Variants in FBXL20 observed in about 807,000 individuals in gnomAD.
FBXL20 encodes F-box/LRR-repeat protein 20.
FBXL20 carries 11 observed loss-of-function variants against 64.0 expected under a neutral mutation model. That is an observed-to-expected ratio of 0.17 (90% CI 0.11 to 0.28). FBXL20 has a LOEUF of 0.28. Among genes scored for constraint, FBXL20 ranks in the 10% least tolerant of loss-of-function variants. The probability of loss-of-function intolerance (pLI) is 1.00; values close to 1 mark genes in which losing one functional copy is unlikely to be tolerated. For synonymous variants in FBXL20, 184 were observed against 189.0 expected (o/e 0.97, Z 0.22); for missense variants, 303 against 526.2 (o/e 0.58, Z 4.15).
At chr17:39,354,274 T>C (rs764938207) in intron 1 of FBXL20, among the ~76,000 whole-genome samples, 2 of 152,336 alleles carry the variant, frequency 1.3e-5, no homozygotes, top group Non-Finnish European at 2.9e-5. Flanking sequence ...GACCATTTGC[T>C]TCTCCTCAAA....
chr17:39,302,574 T>C (rs2047146966), intron 3 of FBXL20, among the ~76,000 whole-genome samples: 1 of 152,092 alleles, frequency 6.6e-6, no homozygotes, highest in South Asian at 2.1e-4. Context: ...GGGGTTTCAC[T>C]GTGTTAGCCA....
rs1244351364 is a variant in FBXL20, at chr17:39,259,012, CAAT to C, written c.*2445_*2447del. ...AGTAATCTGCGTTTTTAAAGCGGCA[CAAT>C]AAAACAGGATTTAAAATAAATTTAA... On this transcript the variant is annotated 3_prime_UTR_variant, in exon 15 of 15. Coordinates refer to ENST00000264658, the MANE Select transcript of FBXL20 (RefSeq NM_032875.3). 2.0e-5 allele frequency: 3 copies of C among 152,076 alleles called. No homozygotes were observed. The East Asian group carries it at 5.8e-4, about 29-fold the overall frequency. The allele number at this position is 152,076 out of a possible 1,614,324, so 9.4% of individuals were successfully genotyped here.
At position 39,275,069 on chromosome 17, in the gene FBXL20, C is replaced by T. The variant is rs776301305; in HGVS notation, c.728G>A (p.Cys243Tyr). 1 of 1,613,394 alleles carries T rather than the reference C, an allele frequency of 6.2e-7. No homozygotes were observed. The highest frequency in any genetic ancestry group is 8.5e-7 in the Non-Finnish European group (1 of 1,179,860). Reference protein sequence around the residue: ...QITDEGLITICRGCHKLQSLC... With the variant: ...QITDEGLITIYRGCHKLQSLC... ...GGATTGTAACTTATGGCACCCTCTG[C>T]ATATAGTAATGAGACCTTCATCTGT... The change falls in exon 10 of 15, where the codon TGC (cysteine) becomes TAC (tyrosine). Residue 243 changes from cysteine to tyrosine, a missense_variant. By Grantham distance (194) the Cys-to-Tyr change is radical (BLOSUM62 -2). This residue lies in a region of FBXL20 where 246 missense variants were observed against 422.6 expected (regional missense o/e 0.58). Coordinates refer to ENST00000264658, the MANE Select transcript of FBXL20 (RefSeq NM_032875.3).
At chr17:39,353,373 A>C (rs1363511223) in intron 1 of FBXL20, among the ~76,000 whole-genome samples, 1 of 152,154 alleles carries the variant, frequency 6.6e-6, no homozygotes, top group Non-Finnish European at 1.5e-5. Context: ...GGTTAGTAAA[A>C]GAGACATTCA....
intron 1 of FBXL20, among the ~76,000 whole-genome samples, chr17:39,392,466 C>G (rs1013390482): frequency 1.4e-5 from 2 of 145,572 alleles, no homozygotes; most frequent in African/African-American, 5.0e-5. Context: ...GAAAAGAAAA[C>G]AAAAAACAAA....
At chr17:39,396,175 G>A (rs2048181148) in intron 1 of FBXL20, among the ~76,000 whole-genome samples, 1 of 151,992 alleles carries the variant, frequency 6.6e-6, no homozygotes. Flanking sequence ...AATGGCCAGG[G>A]AAATATGATC....
chr17:39,330,847 C>A (rs1292815789), intron 2 of FBXL20, among the ~76,000 whole-genome samples: 2 of 152,096 alleles, frequency 1.3e-5, no homozygotes, highest in African/African-American at 4.8e-5. Flanking sequence ...TACAGAGAGG[C>A]AGCATCCAAT....
intron 2 of FBXL20, among the ~76,000 whole-genome samples, chr17:39,324,614 T>G (rs969781673): frequency 1.3e-5 from 2 of 152,172 alleles, no homozygotes; most frequent in African/African-American, 2.4e-5. Context: ...TAAAGAGGGA[T>G]CACCTAACTA....
At chr17:39,375,087 T>A (rs2047954450) in intron 1 of FBXL20, among the ~76,000 whole-genome samples, 1 of 152,116 alleles carries the variant, frequency 6.6e-6, no homozygotes, top group Non-Finnish European at 1.5e-5. Flanking sequence ...ACCCAGCTGC[T>A]ACTTTTCAAT....
At chr17:39,396,071 GAA>G (rs71300072) in intron 1 of FBXL20, among the ~76,000 whole-genome samples, 14 of 108,964 alleles carry the variant, frequency 1.3e-4, no homozygotes, top group South Asian at 3.1e-4. Flanking sequence ...AAGACTTTTC[GAA>G]AAAAAAAAAA....
chr17:39,302,564 G>A (rs2047146785), intron 3 of FBXL20, among the ~76,000 whole-genome samples: 1 of 152,090 alleles, frequency 6.6e-6, no homozygotes, highest in South Asian at 2.1e-4. Context: ...TAGTAGAGAT[G>A]GGGTTTCACT....
intron 2 of FBXL20, among the ~76,000 whole-genome samples, chr17:39,337,526 G>C (rs543889617): frequency 3.5e-5 from 5 of 143,494 alleles, no homozygotes; most frequent in South Asian, 2.2e-4. Context: ...GCCGCCCATC[G>C]TCTGAGATGT....
chr17:39,346,672 G>C (rs77926623), intron 1 of FBXL20, among the ~76,000 whole-genome samples: 102 of 152,090 alleles, frequency 6.7e-4, no homozygotes, highest in African/African-American at 2.4e-3. Flanking sequence ...CAGACTACTA[G>C]AAATGCTAAT....
At chr17:39,282,214 C>G (rs1223660200) in intron 8 of FBXL20, among the ~76,000 whole-genome samples, 1 of 152,066 alleles carries the variant, frequency 6.6e-6, no homozygotes, top group Non-Finnish European at 1.5e-5. Context: ...TTCTTTTTTT[C>G]ACTATAAAAC....
chr17:39,376,065 G>A (rs1296850719), intron 1 of FBXL20, among the ~76,000 whole-genome samples: 1 of 152,116 alleles, frequency 6.6e-6, no homozygotes, highest in Non-Finnish European at 1.5e-5. Context: ...GTTGCAATGA[G>A]CCGTGATTGC....
chr17:39,382,192 C>T (rs983888947), intron 1 of FBXL20, among the ~76,000 whole-genome samples: 1 of 151,690 alleles, frequency 6.6e-6, no homozygotes, highest in Non-Finnish European at 1.5e-5. Flanking sequence ...GCCTGTAATC[C>T]CAGCACTTTG....
rs1277810058 is a variant in FBXL20 at position 39,275,022 on chromosome 17, T to C, written c.775A>G (p.Asn259Asp). 8 of 1,614,098 alleles carry C rather than the reference T, an allele frequency of 5.0e-6. No individual in the cohort carries two copies. In the East Asian group the frequency reaches 1.8e-4, roughly 36 times the overall value. Residue 259 changes from asparagine to aspartate, a missense_variant, in exon 10 of 15, where the codon AAC (asparagine) becomes GAC (aspartate). Asn to Asp is a conservative substitution (Grantham distance 23, BLOSUM62 1). Transcript: ENST00000264658. ...GCATTCAGGATGGCATCTGTGATGT[T>C]GGAGCAGCCAGAGGCACAAAGGGAT... is the stretch of plus-strand genomic sequence containing the variant. ...LQSLCASGCS[N>D]ITDAILNALG...
chr17:39,268,836 C>T lies in FBXL20; in HGVS notation c.924G>A (p.Glu308=). The T allele has an allele frequency of 1.9e-6, 3 of 1,613,452 alleles. No homozygotes were observed. Among genetic ancestry groups the T allele is most frequent in the Non-Finnish European group, 2.5e-6 (3 of 1,179,476 alleles). ...CHELEKMDLE[E]CVQITDSTLI... ...AAATCTACAATCTTACCTGAACACA[C>T]TCTTCCAGGTCCATCTTTTCAAGTT... is the stretch of plus-strand genomic sequence containing the variant. Residue 308 remains glutamate, a synonymous_variant, in exon 12 of 15, where the codon GAG becomes GAA. Transcript: ENST00000264658.
chr17:39,376,572 T>G (rs1046200136), intron 1 of FBXL20, among the ~76,000 whole-genome samples: 2 of 152,156 alleles, frequency 1.3e-5, no homozygotes, highest in Non-Finnish European at 2.9e-5. Context: ...AAGTAGGAAG[T>G]TGAAGGCTAA....
Sources: gnomAD v4.1 joint callset for allele counts (sites outside exome capture counted in the v4.1 genomes callset) on GRCh38, gnomAD v4.1.1 for gene constraint, gnomAD v4.1.1 regional missense constraint, MANE v1.5 for transcripts, NCBI Gene and HGNC (gene_info 2026-07-23, HGNC 2026-07-21) for gene names.